The following HAS3 variants were observed in gnomAD, a reference collection of about 807,000 sequenced individuals.
HAS3 encodes the protein HA synthase 3.
HAS3 carries 27 observed loss-of-function variants against 50.3 expected under a neutral mutation model. That is an observed-to-expected ratio of 0.54 (90% CI 0.40 to 0.74). The LOEUF (loss-of-function observed/expected upper bound fraction) is 0.74, where lower values mean the gene tolerates loss of function less well. Ranked by LOEUF, HAS3 falls within the 30% of genes least tolerant of loss-of-function variation. HAS3 has a pLI of 0.00. For synonymous variants in HAS3, 339 were observed against 310.9 expected (o/e 1.09, Z -0.95); for missense variants, 517 against 742.8 (o/e 0.70, Z 3.53).
chr16:69,106,274 C>T lies in HAS3; in HGVS notation c.-1+487C>T, dbSNP rs1479899268. ...GAGCGGGAGGAGGGGCATGGAGCCG[C>T]CGCGGGCCTGCTGAGCTCCGGAGCG... On this transcript the variant is annotated intron_variant, in intron 1 of 3. Transcript: ENST00000569188. The surrounding 1 kb of genome is among the most constrained non-coding windows in gnomAD (Gnocchi z 5.5). 1.3e-5 allele frequency: 2 copies of T among 150,708 alleles called. No homozygotes were observed. The highest frequency in any genetic ancestry group is 3.0e-5 in the Non-Finnish European group (2 of 67,658). The allele number at this position is 150,708 out of a possible 1,614,324, so 9.3% of individuals were successfully genotyped here. A position where few individuals can be genotyped will look rare whatever the true frequency, so the allele number is the denominator to read the frequency against.
the HAS3 span, among the ~76,000 whole-genome samples, chr16:69,097,698 AG>A: frequency 6.6e-6 from 1 of 152,098 alleles, no homozygotes; most frequent in Non-Finnish European, 1.5e-5. Flanking sequence ...TCCTTTCTTC[AG>A]GGAAAAGCCT....
chr16:69,110,172 C>G lies in HAS3; in HGVS notation c.636+141C>G, dbSNP rs1356443118. On this transcript the variant is annotated intron_variant, in intron 2 of 3. Coordinates refer to ENST00000569188, the MANE Select transcript of HAS3 (RefSeq NM_001199280.2). ...TGCACTTAAGAAGGCAACAAGGTGG[C>G]CGGGCGCGGTGGCTCACGCCTGTAA... 4 of 846,660 alleles carry G rather than the reference C, an allele frequency of 4.7e-6. No homozygotes were observed. In the African/African-American group the frequency reaches 6.8e-5, roughly 14 times the overall value. 52.4% of individuals were successfully genotyped at this position (846,660 alleles called of 1,614,324 possible).
chr16:69,116,243 T>C lies in HAS3; in HGVS notation c.*977T>C. 2.0e-6 allele frequency: 2 copies of C among 985,626 alleles called. No individual in the cohort carries two copies. Among genetic ancestry groups the C allele is most frequent in the Non-Finnish European group, 2.4e-6 (2 of 829,934 alleles). 61.1% of individuals were successfully genotyped at this position (985,626 alleles called of 1,614,324 possible). A position where few individuals can be genotyped will look rare whatever the true frequency, so the allele number is the denominator to read the frequency against. ...GAGGTATCACTGCAGTCACCTCTTC[T>C]ACCCTCATCATCATAGGTAAGGTTT... On this transcript the variant is annotated 3_prime_UTR_variant, in exon 4 of 4. Transcript: ENST00000569188.
chr16:69,114,831 TCTC>T lies in HAS3; in HGVS notation c.1231_1233del (p.Leu411del). ...TCTACCGGGGCCGCATCTGGAACATTCTCCTCTTCCTGCTGACGGTGCAGCTGG... is the reference window on the plus strand; with the variant it reads ...TCTACCGGGGCCGCATCTGGAACATTCTCTTCCTGCTGACGGTGCAGCTGG... On this transcript the variant is annotated inframe_deletion, in exon 4 of 4. Transcript: ENST00000569188. The surrounding 1 kb of genome is among the most constrained non-coding windows in gnomAD (Gnocchi z 6.4). 2 of 1,614,034 alleles carry T rather than the reference TCTC, an allele frequency of 1.2e-6. No homozygotes were observed. The highest frequency in any genetic ancestry group is 1.7e-6 in the Non-Finnish European group (2 of 1,180,030).
chr16:69,100,419 A>G, the HAS3 span, among the ~76,000 whole-genome samples: 1 of 152,200 alleles, frequency 6.6e-6, no homozygotes. Flanking sequence ...TGGTCAGCCC[A>G]GGGAAAGTGG....
the HAS3 span, among the ~76,000 whole-genome samples, chr16:69,093,590 A>C: frequency 6.2e-5 from 8 of 128,758 alleles, no homozygotes; most frequent in South Asian, 1.9e-3. Context: ...GAGTGCAATG[A>C]CATGATCTCG....
the HAS3 span, chr16:69,085,081 GA>G: frequency 6.6e-6 from 1 of 152,306 alleles, no homozygotes. Context: ...CCAAATCAAG[GA>G]TGTCTAGAAA....
downstream of HAS3, chr16:69,118,132 C>CA (rs1961295596): frequency 2.8e-6 from 1 of 354,596 alleles, no homozygotes; most frequent in Non-Finnish European, 5.2e-6. Context: ...CCCCCACCCC[C>CA]ACCCTAATTC....
At chr16:69,102,079 C>T (rs1960703360), upstream of HAS3, among the ~76,000 whole-genome samples, 1 of 152,152 alleles carries the variant, frequency 6.6e-6, no homozygotes, top group African/African-American at 2.4e-5. Flanking sequence ...CCACTGTGCC[C>T]GGCCTATACT....
intron 2 of HAS3, among the ~76,000 whole-genome samples, chr16:69,110,642 C>T (rs1250168206): frequency 1.3e-5 from 2 of 152,162 alleles, no homozygotes; most frequent in Non-Finnish European, 2.9e-5. Context: ...ATTATCTCCA[C>T]TCATAGAAGG....
chr16:69,113,914 C>T lies in HAS3; in HGVS notation c.738+372C>T, dbSNP rs762019690. Among the ~76,000 whole-genome samples the T allele has an allele frequency of 6.6e-5, 10 of 152,278 alleles. No individual in the cohort carries two copies. The South Asian group carries it at 1.4e-3, about 22-fold the overall frequency. ...ATGGGCTGAAGAGCTCTGGTCAATA[C>T]GGTAAGAATAAGGGCCCCAATCTGC... On this transcript the variant is annotated intron_variant, in intron 3 of 3. Transcript: ENST00000569188.
the HAS3 span, among the ~76,000 whole-genome samples, chr16:69,087,901 G>T: frequency 1.3e-5 from 2 of 148,276 alleles, no homozygotes; most frequent in African/African-American, 5.0e-5. Context: ...ACAGGGTTTC[G>T]CCATGTTAGC....
chr16:69,117,915 GACA>G (rs1299463697), downstream of HAS3: 5 of 172,940 alleles, frequency 2.9e-5, no homozygotes, highest in African/African-American at 1.2e-4. Flanking sequence ...CATTTTAGCC[GACA>G]TGATGTAAGA....
chr16:69,086,522 A>ATG, the HAS3 span, among the ~76,000 whole-genome samples: 13,530 of 138,304 alleles, frequency 0.098, 608 homozygotes, highest in East Asian at 0.17. Context: ...TTTCTATATT[A>ATG]TGTGTGTGTG....
chr16:69,089,767 C>A, the HAS3 span, among the ~76,000 whole-genome samples: 1 of 152,234 alleles, frequency 6.6e-6, no homozygotes, highest in Admixed American at 6.5e-5. Flanking sequence ...AGGTCATCCC[C>A]TGTTGTCCTC....
At chr16:69,108,997 C>T (rs1211464185) in intron 1 of HAS3, among the ~76,000 whole-genome samples, 1 of 152,186 alleles carries the variant, frequency 6.6e-6, no homozygotes. Context: ...CAGGCTCACC[C>T]CCTTGAAGCT....
Position 69,117,033 on chromosome 16 carries a change from A to G in HAS3, c.*1767A>G, listed in dbSNP as rs1440778888. 8.1e-6 allele frequency: 8 copies of G among 985,434 alleles called. No homozygotes were observed. Among genetic ancestry groups the G allele is most frequent in the African/African-American group, 1.7e-5 (1 of 57,246 alleles). 61.0% of individuals were successfully genotyped at this position (985,434 alleles called of 1,614,324 possible). A position where few individuals can be genotyped will look rare whatever the true frequency, so the allele number is the denominator to read the frequency against. ...TTTCCAGGTGTAGCTAACAGTTGCCACATCACACAGACCTCGAGTTTCTGG... is the reference window on the plus strand; with the variant it reads ...TTTCCAGGTGTAGCTAACAGTTGCCGCATCACACAGACCTCGAGTTTCTGG... On this transcript the variant is annotated 3_prime_UTR_variant, in exon 4 of 4. Transcript: ENST00000569188.
rs1360119566 is a variant in HAS3 at position 69,114,988 on chromosome 16, A to T, written c.1384A>T (p.Asn462Tyr). The T allele has an allele frequency of 6.2e-7, 1 of 1,614,128 alleles. No individual in the cohort carries two copies. Among genetic ancestry groups the T allele is most frequent in the Non-Finnish European group, 8.5e-7 (1 of 1,180,034 alleles). ...CAAGATCTTTGCCATTGCTACCATC[A>T]ACAAATCTGGCTGGGGCACCTCTGG... ...PAKIFAIATI[N>Y]KSGWGTSGRK... The change falls in exon 4 of 4, where the codon AAC (asparagine) becomes TAC (tyrosine). Residue 462 changes from asparagine (N) to tyrosine (Y), a missense_variant. Physicochemically the swap from Asn to Tyr is moderately radical, Grantham distance 143. Coordinates refer to ENST00000569188, the MANE Select transcript of HAS3 (RefSeq NM_001199280.2). The surrounding 1 kb of genome is among the most constrained non-coding windows in gnomAD (Gnocchi z 6.4).
At position 69,113,536 on chromosome 16, in the gene HAS3, T is replaced by C; in HGVS notation, c.732T>C (p.Asp244=). 6.3e-7 allele frequency: 1 copy of C among 1,593,520 alleles called. No individual in the cohort carries two copies. The highest frequency in any genetic ancestry group is 1.1e-5 in the South Asian group (1 of 90,536). The part of the protein sequence containing the change: ...EDPQVGGVGG[D]VQILNKYDSW... ...CCCAAGTAGGGGGAGTCGGGGGAGA[T>C]GTCCAGGTAAGATGAGACCAGGGAT... Residue 244 remains aspartate, a synonymous_variant, in exon 3 of 4, where the codon GAT becomes GAC. Transcript: ENST00000569188.
Sources: allele counts gnomAD v4.1 joint callset (sites outside exome capture counted in the v4.1 genomes callset), GRCh38; gene constraint gnomAD v4.1.1; non-coding constraint Gnocchi (gnomAD v3.1); transcripts MANE v1.5; gene names NCBI Gene and HGNC (gene_info 2026-07-23, HGNC 2026-07-21).